Variants in ADGRB3 observed in about 807,000 individuals in gnomAD.
ADGRB3 encodes the protein brain-specific angiogenesis inhibitor 3.
A neutral mutation model predicts 193.4 loss-of-function variants in ADGRB3; 37 were observed. The ratio of observed to expected loss-of-function variants is 0.19; its 90% CI spans 0.15 to 0.25. The LOEUF is 0.25. ADGRB3 is among the 10% of genes least tolerant of loss of function. ADGRB3 has a pLI of 1.00. For missense variants in ADGRB3, 1,637 were observed against 1,852.9 expected (o/e 0.88, Z 2.14); for synonymous variants, 690 against 644.2 (o/e 1.07, Z -1.08).
chr6:69,343,569 A>G (rs887404996), intron 26 of ADGRB3, among the ~76,000 whole-genome samples: 22 of 152,148 alleles, frequency 1.4e-4, no homozygotes, highest in African/African-American at 5.3e-4. Flanking sequence ...AAAATTTGGA[A>G]TGTTTGCATA....
chr6:69,332,007 T>C, intron 23 of ADGRB3: 1 of 985,430 alleles, frequency 1.0e-6, no homozygotes, highest in Non-Finnish European at 1.2e-6. Flanking sequence ...TTTAGCTTTA[T>C]ATTCACCATC....
chr6:69,324,930 G>A lies in ADGRB3; in HGVS notation c.2873G>A (p.Trp958Ter). 6.2e-7 allele frequency: 1 copy of A among 1,613,826 alleles called. No individual in the cohort carries two copies. The highest frequency in any genetic ancestry group is 8.5e-7 in the Non-Finnish European group (1 of 1,179,850). Residue 958 changes from tryptophan to a stop codon, truncating the protein, a stop_gained, in exon 21 of 32, where the codon TGG becomes TAG. Transcript: ENST00000370598. LOFTEE classifies it high-confidence loss of function. ...TTTTTCTTCCTGGCTTCATTCTGTT[G>A]GGTTTTGACTGAGGCGTGGCAATCA... is the stretch of plus-strand genomic sequence containing the variant. ...LHFFFLASFC[W>*]VLTEAWQSYM...
chr6:69,201,137 T>C (rs1765409731), intron 17 of ADGRB3, among the ~76,000 whole-genome samples: 1 of 152,074 alleles, frequency 6.6e-6, no homozygotes, highest in Admixed American at 6.6e-5. Flanking sequence ...TTTTTCTCCC[T>C]CTGAAGAAAC....
intron 5 of ADGRB3, among the ~76,000 whole-genome samples, chr6:68,937,128 G>A (rs892560264): frequency 4.6e-5 from 7 of 152,188 alleles, no homozygotes; most frequent in African/African-American, 1.7e-4. Flanking sequence ...AGAAAAGAGT[G>A]TCCCTGACCA....
At chr6:68,822,780 A>G (rs748022110) in intron 3 of ADGRB3, among the ~76,000 whole-genome samples, 19 of 151,976 alleles carry the variant, frequency 1.3e-4, no homozygotes, top group Non-Finnish European at 2.7e-4. Flanking sequence ...AAATTTTATG[A>G]GCCACTTCAT....
chr6:68,974,660 A>T lies in ADGRB3; in HGVS notation c.1526-103A>T, dbSNP rs1442213977. 1.8e-5 allele frequency: 15 copies of T among 845,928 alleles called. No individual in the cohort carries two copies. The Admixed American group carries it at 3.9e-4, about 22-fold the overall frequency. 52.4% of individuals were successfully genotyped at this position (845,928 alleles called of 1,614,324 possible). A position where few individuals can be genotyped will look rare whatever the true frequency, so the allele number is the denominator to read the frequency against. On this transcript the variant is annotated intron_variant, in intron 8 of 31. Transcript: ENST00000370598. ...TAAAAAAAAGAAAGAAAAAAAAAGA[A>T]AACTAAAGAGCTCTGCAGTTAGAGA...
intron 30 of ADGRB3, 26 bp from the exon 31 acceptor site, chr6:69,382,805 G>A (rs1378634833): frequency 6.8e-7 from 1 of 1,479,550 alleles, no homozygotes; most frequent in Non-Finnish European, 9.3e-7. Context: ...AGTTGGGGAT[G>A]AGAGCTATCT....
chr6:68,986,614 A>G (rs1769083859), intron 10 of ADGRB3, among the ~76,000 whole-genome samples: 1 of 152,170 alleles, frequency 6.6e-6, no homozygotes, highest in Admixed American at 6.6e-5. Flanking sequence ...GCCATTGTCC[A>G]ATGAGTGACT....
intron 3 of ADGRB3, among the ~76,000 whole-genome samples, chr6:68,827,723 A>G (rs1165944959): frequency 2.6e-5 from 4 of 152,122 alleles, no homozygotes; most frequent in African/African-American, 9.7e-5. Context: ...GATGTCTACA[A>G]GATGGTCAGA....
In ADGRB3 at chr6:69,324,955, A is replaced by G; in HGVS notation, c.2898A>G (p.Ser966=). The stretch of plus-strand genomic sequence containing the variant: ...GGGTTTTGACTGAGGCGTGGCAATC[A>G]TATATGGCTGTAACTGGAAAAATTA... ...FCWVLTEAWQ[S]YMAVTGKIRT... Residue 966 remains serine (S), a synonymous_variant, in exon 21 of 32, where the codon TCA becomes TCG. Transcript: ENST00000370598. The G allele has an allele frequency of 6.2e-7, 1 of 1,613,988 alleles. No homozygotes were observed. The highest frequency in any genetic ancestry group is 1.1e-5 in the South Asian group (1 of 91,070).
At chr6:68,741,097 GA>G (rs565351923) in intron 3 of ADGRB3, among the ~76,000 whole-genome samples, 7 of 150,628 alleles carry the variant, frequency 4.6e-5, no homozygotes, top group South Asian at 2.1e-4. Context: ...TGCTTGACAG[GA>G]AAAAAAAATG....
chr6:68,808,661 A>T (rs2127374568), intron 3 of ADGRB3, among the ~76,000 whole-genome samples: 1 of 152,300 alleles, frequency 6.6e-6, no homozygotes, highest in South Asian at 2.1e-4. Flanking sequence ...ATACTACACA[A>T]GATAACTCAT....
intron 26 of ADGRB3, among the ~76,000 whole-genome samples, chr6:69,353,848 G>T (rs1293154): frequency 0.081 from 12,395 of 152,198 alleles, 589 homozygotes; most frequent in Non-Finnish European, 0.11. Flanking sequence ...CAGATCACCT[G>T]AGGTCAGAAG....
intron 20 of ADGRB3, among the ~76,000 whole-genome samples, chr6:69,248,451 A>G (rs1766545114): frequency 1.3e-5 from 2 of 152,236 alleles, no homozygotes; most frequent in African/African-American, 4.8e-5. Context: ...AGGTGAAGAG[A>G]GTAGAATTTA....
At chr6:69,226,083 A>G (rs1434968368) in intron 17 of ADGRB3, among the ~76,000 whole-genome samples, 1 of 152,202 alleles carries the variant, frequency 6.6e-6, no homozygotes, top group African/African-American at 2.4e-5. Flanking sequence ...TGGCAATAAA[A>G]CTGGTGCTAC....
intron 20 of ADGRB3, among the ~76,000 whole-genome samples, chr6:69,240,185 G>A (rs967208669): frequency 6.6e-6 from 1 of 152,028 alleles, no homozygotes; most frequent in African/African-American, 2.4e-5. Context: ...TAAGACTGGT[G>A]ATTTCCACCA....
intron 13 of ADGRB3, among the ~76,000 whole-genome samples, chr6:69,035,035 A>T (rs937464495): frequency 6.6e-6 from 1 of 152,054 alleles, no homozygotes; most frequent in Non-Finnish European, 1.5e-5. Context: ...TATAGAGTTG[A>T]TGTGTTAATT....
intron 20 of ADGRB3, among the ~76,000 whole-genome samples, chr6:69,284,688 A>T (rs1045564213): frequency 6.6e-6 from 1 of 152,134 alleles, no homozygotes; most frequent in Non-Finnish European, 1.5e-5. Context: ...TTTTAAGTTG[A>T]TTTATTATGA....
intron 17 of ADGRB3, among the ~76,000 whole-genome samples, chr6:69,159,450 A>G (rs1210989125): frequency 2.0e-5 from 3 of 152,096 alleles, no homozygotes; most frequent in African/African-American, 7.2e-5. Context: ...TAAAATATCT[A>G]TTATCTGCCA....
Sources: allele counts gnomAD v4.1 joint callset (sites outside exome capture counted in the v4.1 genomes callset), GRCh38; gene constraint gnomAD v4.1.1; transcripts MANE v1.5; gene names NCBI Gene and HGNC (gene_info 2026-07-23, HGNC 2026-07-21).